The following PYCR1 variants were observed in gnomAD, a reference collection of about 807,000 sequenced individuals.
PYCR1 encodes the protein pyrroline-5-carboxylate reductase 1.
A neutral mutation model predicts 22.9 loss-of-function variants in PYCR1; 19 were observed. The ratio of observed to expected loss-of-function variants is 0.83; its 90% CI spans 0.58 to 1.22. The LOEUF (loss-of-function observed/expected upper bound fraction) is 1.22. PYCR1 is among the 50% of genes most tolerant of loss of function. The probability of loss-of-function intolerance (pLI) is 0.00; values close to 1 mark genes in which losing one functional copy is unlikely to be tolerated. For synonymous variants in PYCR1, 175 were observed against 180.5 expected (o/e 0.97, Z 0.24); for missense variants, 429 against 431.3 (o/e 0.99, Z 0.05).
chr17:81,933,413 G>A (rs1364130920), intron 6 of PYCR1, 37 bp from the exon 7 acceptor site: 3 of 1,611,152 alleles, frequency 1.9e-6, no homozygotes, highest in South Asian at 1.1e-5. Flanking sequence ...TGGAGCACAA[G>A]CGTGCACCCA....
At chr17:81,934,873 C>G (rs1405614373) in intron 4 of PYCR1, 53 bp downstream of exon 4, 2 of 1,591,530 alleles carry the variant, frequency 1.3e-6, no homozygotes, top group Non-Finnish European at 1.7e-6. Context: ...GACAGATGTG[C>G]CCGGTGGTCC....
chr17:81,934,241 G>A (rs778102483), intron 6 of PYCR1, 85 bp downstream of exon 6: 1 of 1,558,876 alleles, frequency 6.4e-7, no homozygotes, highest in South Asian at 1.1e-5. Context: ...TATCTGCTGA[G>A]TGCGTGAATG....
At chr17:81,936,350 C>G (rs926850642) in intron 1 of PYCR1, among the ~76,000 whole-genome samples, 157 bp from the exon 2 acceptor site, 8 of 152,122 alleles carry the variant, frequency 5.3e-5, no homozygotes, top group African/African-American at 1.4e-4. Context: ...CTCAGCCTCC[C>G]GAGTAGCTGG....
In PYCR1 at chr17:81,935,155, A is replaced by C. The variant is rs1336614480; in HGVS notation, c.319-8T>G. ...CCGAAACGCTGACAGCTTCTGGAAG[A>C]GAAACCAGCGTGTCCGTCTGGCCAT... On this transcript the variant is annotated splice_polypyrimidine_tract_variant and splice_region_variant and intron_variant, in intron 3 of 6. Coordinates refer to ENST00000329875, the MANE Select transcript of PYCR1 (RefSeq NM_006907.4). 6.2e-7 allele frequency: 1 copy of C among 1,603,128 alleles called. No homozygotes were observed. Among genetic ancestry groups the C allele is most frequent in the African/African-American group, 1.3e-5 (1 of 74,962 alleles).
chr17:81,933,135 G>T lies in PYCR1; in HGVS notation c.*79C>A. On this transcript the variant is annotated 3_prime_UTR_variant, in exon 7 of 7. Transcript: ENST00000329875. The stretch of plus-strand genomic sequence containing the variant: ...CGCTGATCAGAGCCACAGAAAGTGG[G>T]CCACTTTGGGGACCCCCTAGTCCCC... The T allele has an allele frequency of 1.9e-6, 3 of 1,606,658 alleles. No individual in the cohort carries two copies. The highest frequency in any genetic ancestry group is 2.5e-6 in the Non-Finnish European group (3 of 1,179,092).
At position 81,934,374 on chromosome 17, in the gene PYCR1, A is replaced by G; in HGVS notation, c.749T>C (p.Phe250Ser). The change falls in exon 6 of 7, where the codon TTC (phenylalanine) becomes TCC (serine). Residue 250 changes from phenylalanine to serine, a missense_variant. Coordinates refer to ENST00000329875, the MANE Select transcript of PYCR1 (RefSeq NM_006907.4). ...HALHVLESGG[F>S]RSLLINAVEA... ...CACAGCGTTGATGAGCAGGGAGCGG[A>G]AGCCCCCACTCTCCAGCACATGCAA... is the stretch of plus-strand genomic sequence containing the variant. 1.2e-6 allele frequency: 2 copies of G among 1,612,880 alleles called. No individual in the cohort carries two copies. The highest frequency in any genetic ancestry group is 1.7e-6 in the Non-Finnish European group (2 of 1,179,956).
chr17:81,934,193 C>A (rs888242360), intron 6 of PYCR1, 133 bp downstream of exon 6: 2 of 1,398,070 alleles, frequency 1.4e-6, no homozygotes, highest in Non-Finnish European at 2.0e-6. Context: ...CTCGGGGCCC[C>A]CTGTGTCCTG....
rs372855914 is a variant in PYCR1 at position 81,932,963 on chromosome 17, C to A, written c.*251G>T. The A allele has an allele frequency of 3.1e-6, 5 of 1,610,770 alleles. No homozygotes were observed. Among genetic ancestry groups the A allele is most frequent in the Non-Finnish European group, 4.2e-6 (5 of 1,179,200 alleles). ...CTCCCGAGCTCTAGAGGAAGGTGGTCCTGACATGGTTTGGGAGCAGAGAAG... is the reference window on the plus strand; with the variant it reads ...CTCCCGAGCTCTAGAGGAAGGTGGTACTGACATGGTTTGGGAGCAGAGAAG... On this transcript the variant is annotated 3_prime_UTR_variant, in exon 7 of 7. Coordinates refer to ENST00000329875, the MANE Select transcript of PYCR1 (RefSeq NM_006907.4).
At position 81,937,021 on chromosome 17, in the gene PYCR1, CGGCGGTG is replaced by C. The variant is rs1263930959; in HGVS notation, c.-214_-208del. Reference sequence around the variant, plus strand: ...ACTGCTTCGGGGCCCCCAGTCAGAGCGGCGGTGCCTGGCCTGCTGCCTAGGGTCCCGC... The same window carrying C: ...ACTGCTTCGGGGCCCCCAGTCAGAGCCCTGGCCTGCTGCCTAGGGTCCCGC... On this transcript the variant is annotated 5_prime_UTR_variant, in exon 1 of 7. Transcript: ENST00000329875. 2 of 1,457,952 alleles carry C rather than the reference CGGCGGTG, an allele frequency of 1.4e-6. No individual in the cohort carries two copies. The highest frequency in any genetic ancestry group is 1.8e-6 in the Non-Finnish European group (2 of 1,106,228). The allele number at this position is 1,457,952 out of a possible 1,614,324, so 90.3% of individuals were successfully genotyped here. A position where few individuals can be genotyped will look rare whatever the true frequency, so the allele number is the denominator to read the frequency against.
At chr17:81,936,257 G>A (rs953391720) in intron 1 of PYCR1, 64 bp from the exon 2 acceptor site, 51 of 1,503,632 alleles carry the variant, frequency 3.4e-5, no homozygotes, top group African/African-American at 5.6e-5. Context: ...ACGGAGTCTC[G>A]CTGTGTTGCC....
At chr17:81,933,567 C>G (rs2041057105) in intron 6 of PYCR1, among the ~76,000 whole-genome samples, 191 bp from the exon 7 acceptor site, 1 of 152,216 alleles carries the variant, frequency 6.6e-6, no homozygotes, top group African/African-American at 2.4e-5. Flanking sequence ...TTCGAATCAG[C>G]TCAGCATCAC....
chr17:81,934,438 C>A lies in PYCR1; in HGVS notation c.685G>T (p.Asp229Tyr). 6.2e-7 allele frequency: 1 copy of A among 1,610,860 alleles called. No homozygotes were observed. The highest frequency in any genetic ancestry group is 8.5e-7 in the Non-Finnish European group (1 of 1,179,340). The change falls in exon 6 of 7, where the codon GAC becomes TAC. Residue 229 changes from aspartate to tyrosine, a missense_variant. Physicochemically the swap from Asp to Tyr is radical, Grantham distance 160. Coordinates refer to ENST00000329875, the MANE Select transcript of PYCR1 (RefSeq NM_006907.4). ...HSEQHPGQLK[D>Y]NVSSPGGATI... Reference sequence around the variant, plus strand: ...GCCCCACCAGGAGAGCTGACGTTGTCCTTGAGCTGGCCTGGGTGCTGTTCT... The same window carrying A: ...GCCCCACCAGGAGAGCTGACGTTGTACTTGAGCTGGCCTGGGTGCTGTTCT...
chr17:81,933,455 G>A, intron 6 of PYCR1, 79 bp from the exon 7 acceptor site: 2 of 1,545,854 alleles, frequency 1.3e-6, no homozygotes, highest in Middle Eastern at 1.7e-4. Context: ...AGCTCCCAGT[G>A]CCAGTCAGCC....
In PYCR1 at chr17:81,934,757, A is replaced by C; in HGVS notation, c.541-12T>G. 6.5e-7 allele frequency: 1 copy of C among 1,549,242 alleles called. No individual in the cohort carries two copies. The highest frequency in any genetic ancestry group is 8.7e-7 in the Non-Finnish European group (1 of 1,145,196). ...AGGGCTGTGAATGCCTGTGGGGAGA[A>C]GGCACCCTGAGCCTCTCTCCTGGGC... On this transcript the variant is annotated splice_polypyrimidine_tract_variant and intron_variant, in intron 4 of 6. Transcript: ENST00000329875.
At chr17:81,934,156 G>A (rs2041081359) in intron 6 of PYCR1, 170 bp downstream of exon 6, 2 of 926,218 alleles carry the variant, frequency 2.2e-6, no homozygotes, top group Non-Finnish European at 3.4e-6. Flanking sequence ...GGTGGGGAGG[G>A]GCACTGCCCA....
At chr17:81,934,582 T>G in intron 5 of PYCR1, 71 bp downstream of exon 5, 1 of 1,549,952 alleles carries the variant, frequency 6.5e-7, no homozygotes. Context: ...ACGCCCCACT[T>G]GGCTCCTCCC....
rs1055468593 is a variant in PYCR1 at position 81,932,725 on chromosome 17, C to T, written c.*489G>A. ...GCTTGGCAGCCAAGAGGGGCTGTGG[C>T]CCTTCACGCTGGACTTGGGATGCCT... On this transcript the variant is annotated 3_prime_UTR_variant, in exon 7 of 7. Coordinates refer to ENST00000329875, the MANE Select transcript of PYCR1 (RefSeq NM_006907.4). 8 of 1,090,348 alleles carry T rather than the reference C, an allele frequency of 7.3e-6. No homozygotes were observed. In the Admixed American group the frequency reaches 1.3e-4, roughly 17 times the overall value. The allele number at this position is 1,090,348 out of a possible 1,614,324, so 67.5% of individuals were successfully genotyped here.
chr17:81,932,513 G>T lies in PYCR1; in HGVS notation c.*701C>A, dbSNP rs1316593894. 5.7e-6 allele frequency: 2 copies of T among 353,822 alleles called. No homozygotes were observed. 21.9% of individuals were successfully genotyped at this position (353,822 alleles called of 1,614,324 possible). A position where few individuals can be genotyped will look rare whatever the true frequency, so the allele number is the denominator to read the frequency against. ...AGTAACCACCCTCCCACACAGGCAG[G>T]GCCTCCCTCCTCATGTGGCAGACAG... On this transcript the variant is annotated 3_prime_UTR_variant, in exon 7 of 7. Transcript: ENST00000329875.
chr17:81,932,516 C>T lies in PYCR1; in HGVS notation c.*698G>A. The T allele has an allele frequency of 2.8e-6, 1 of 358,480 alleles. No homozygotes were observed. 22.2% of individuals were successfully genotyped at this position (358,480 alleles called of 1,614,324 possible). ...AACCACCCTCCCACACAGGCAGGGC[C>T]TCCCTCCTCATGTGGCAGACAGAAG... On this transcript the variant is annotated 3_prime_UTR_variant, in exon 7 of 7. Coordinates refer to ENST00000329875, the MANE Select transcript of PYCR1 (RefSeq NM_006907.4).
Sources: gnomAD v4.1 joint callset for allele counts (sites outside exome capture counted in the v4.1 genomes callset) on GRCh38, gnomAD v4.1.1 for gene constraint, MANE v1.5 for transcripts, NCBI Gene and HGNC (gene_info 2026-07-23, HGNC 2026-07-21) for gene names.